ZNF558: variants seen among roughly 807,000 people sequenced by gnomAD.
The protein encoded by ZNF558 is zinc finger protein 558.
In ZNF558, 23 loss-of-function variants were observed where a neutral mutation model predicts 37.6. The ratio of observed to expected loss-of-function variants is 0.61; its 90% CI spans 0.44 to 0.87. ZNF558 has a LOEUF of 0.87. Ranked by LOEUF, ZNF558 falls within the 40% of genes least tolerant of loss-of-function variation. The pLI, the probability that ZNF558 is intolerant of heterozygous loss-of-function variation, is 0.00. For missense variants in ZNF558, 429 were observed against 483.7 expected (o/e 0.89, Z 1.06); for synonymous variants, 189 against 174.4 (o/e 1.08, Z -0.66).
Position 8,811,263 on chromosome 19 carries a change from A to C in ZNF558, c.*18T>G, listed in dbSNP as rs782513375. ...GAAAGATCAATGAGTGCTTTCCTCC[A>C]GAAGTTCCTGCAGTAATTCATATCC... On this transcript the variant is annotated 3_prime_UTR_variant, in exon 10 of 10. Coordinates refer to ENST00000601372, the MANE Select transcript of ZNF558 (RefSeq NM_144693.3). The C allele has an allele frequency of 1.3e-6, 2 of 1,537,910 alleles. No homozygotes were observed. Among genetic ancestry groups the C allele is most frequent in the Non-Finnish European group, 1.7e-6 (2 of 1,145,212 alleles).
rs2145188199 is a variant in ZNF558, at chr19:8,812,549, T to C, written c.426+12A>G. 2 of 1,538,132 alleles carry C rather than the reference T, an allele frequency of 1.3e-6. No individual in the cohort carries two copies. The highest frequency in any genetic ancestry group is 8.7e-7 in the Non-Finnish European group (1 of 1,146,920). ...ACTGTAGAAAACCAGAAATCACCCA[T>C]GTTAGTCTTACCGTTTTTACACCTT... On this transcript the variant is annotated intron_variant, in intron 9 of 9. Transcript: ENST00000601372.
At chr19:8,828,918 G>A (rs1263570345) in intron 2 of ZNF558, among the ~76,000 whole-genome samples, 1 of 150,088 alleles carries the variant, frequency 6.7e-6, no homozygotes, top group Non-Finnish European at 1.5e-5. Context: ...AGCTGAGATC[G>A]TGCCATTGCA....
At chr19:8,826,815 T>C (rs989023509) in intron 2 of ZNF558, among the ~76,000 whole-genome samples, 2 of 152,326 alleles carry the variant, frequency 1.3e-5, no homozygotes, top group South Asian at 4.1e-4. Context: ...TAGTTTGTTA[T>C]AGCATCAATA....
At chr19:8,837,987 G>A in the ZNF558 span, among the ~76,000 whole-genome samples, 6 of 151,728 alleles carry the variant, frequency 4.0e-5, no homozygotes, top group East Asian at 9.7e-4. Context: ...GGTGGCTCAC[G>A]CCTGTAATCC....
rs953237172 is a variant in ZNF558, at chr19:8,812,054, G to A, written c.436C>T (p.His146Tyr). 1.9e-6 allele frequency: 3 copies of A among 1,583,294 alleles called. No homozygotes were observed. In the African/African-American group the frequency reaches 4.1e-5, roughly 21 times the overall value. Reference protein sequence around the residue: ...QSKGVKTERSHRGVKLNECNQ... With the variant: ...QSKGVKTERSYRGVKLNECNQ... ...CATTCATTGAGTTTCACTCCACGAT[G>A]ACTTCTTTCCTGTGGATTAAGAGAT... Residue 146 changes from histidine (H) to tyrosine (Y), a missense_variant, in exon 10 of 10, where the codon CAT becomes TAT. Coordinates refer to ENST00000601372, the MANE Select transcript of ZNF558 (RefSeq NM_144693.3).
In ZNF558 at chr19:8,812,051, G is replaced by T; in HGVS notation, c.439C>A (p.Arg147Ser). The T allele has an allele frequency of 6.3e-7, 1 of 1,585,294 alleles. No homozygotes were observed. The change falls in exon 10 of 10, where the codon CGT becomes AGT. Residue 147 changes from arginine to serine, a missense_variant. By Grantham distance (110) the Arg-to-Ser change is moderately radical. Coordinates refer to ENST00000601372, the MANE Select transcript of ZNF558 (RefSeq NM_144693.3). ...TTACATTCATTGAGTTTCACTCCAC[G>T]ATGACTTCTTTCCTGTGGATTAAGA... ...SKGVKTERSH[R>S]GVKLNECNQC...
intron 6 of ZNF558, chr19:8,821,589 CT>C: frequency 7.3e-7 from 1 of 1,364,294 alleles, no homozygotes; most frequent in Non-Finnish European, 9.4e-7. Flanking sequence ...GAGCAGCTGC[CT>C]TTTCTCACTC....
chr19:8,830,882 G>T (rs1209516709), intron 2 of ZNF558: 1 of 151,546 alleles, frequency 6.6e-6, no homozygotes, highest in Non-Finnish European at 1.5e-5. Context: ...CCAACAGAGT[G>T]AGACTTGGTC....
At chr19:8,823,486 C>A (rs1319697428) in intron 4 of ZNF558, among the ~76,000 whole-genome samples, 2 of 118,458 alleles carry the variant, frequency 1.7e-5, no homozygotes, top group African/African-American at 6.4e-5. Context: ...TCACCCCCCT[C>A]CTGCCTGTGC....
chr19:8,836,277 T>G (rs2145343054), upstream of ZNF558, among the ~76,000 whole-genome samples: 1 of 152,238 alleles, frequency 6.6e-6, no homozygotes, highest in East Asian at 1.9e-4. Context: ...GAGTGCTTCT[T>G]CCTCAAAATA....
chr19:8,806,729 G>A lies in ZNF558; in HGVS notation c.*4552C>T, dbSNP rs2043707333. ...AAAAAAAAAAATATTCCCTCCCATTGGAAAACATTGTTGCCTTCAGTTTTG... is the reference window on the plus strand; with the variant it reads ...AAAAAAAAAAATATTCCCTCCCATTAGAAAACATTGTTGCCTTCAGTTTTG... On this transcript the variant is annotated 3_prime_UTR_variant, in exon 10 of 10. Transcript: ENST00000601372. 6.6e-6 allele frequency: 1 copy of A among 150,578 alleles called. No homozygotes were observed. Among genetic ancestry groups the A allele is most frequent in the South Asian group, 2.1e-4 (1 of 4,748 alleles). The allele number at this position is 150,578 out of a possible 1,614,324, so 9.3% of individuals were successfully genotyped here.
intron 2 of ZNF558, among the ~76,000 whole-genome samples, chr19:8,830,045 T>TG (rs1425684137): frequency 6.6e-6 from 1 of 152,150 alleles, no homozygotes; most frequent in Non-Finnish European, 1.5e-5. Context: ...AGGAGGGTCC[T>TG]GGTAGGAGGT....
intron 7 of ZNF558, among the ~76,000 whole-genome samples, chr19:8,814,293 G>A (rs1362738073): frequency 6.6e-6 from 1 of 152,112 alleles, no homozygotes; most frequent in African/African-American, 2.4e-5. Context: ...TGACCTGTCT[G>A]GTGGTTCCCT....
intron 2 of ZNF558, among the ~76,000 whole-genome samples, chr19:8,830,147 C>T (rs1599297962): frequency 6.6e-6 from 1 of 152,108 alleles, no homozygotes; most frequent in East Asian, 1.9e-4. Context: ...GCGTTTATGT[C>T]TTCTCTCTCT....
intron 1 of ZNF558, among the ~76,000 whole-genome samples, chr19:8,831,906 G>A (rs2044366684): frequency 6.6e-6 from 1 of 152,180 alleles, no homozygotes; most frequent in African/African-American, 2.4e-5. Flanking sequence ...CCCTCTAGGT[G>A]ACAGTAGCAG....
rs1293113519 is a variant in ZNF558 at position 8,809,858 on chromosome 19, T to C, written c.*1423A>G. Reference sequence around the variant, plus strand: ...GATATCCCACACTCAAAACAGTGATTATACTTTTTGTTCCCAGTGAAAATT... The same window carrying C: ...GATATCCCACACTCAAAACAGTGATCATACTTTTTGTTCCCAGTGAAAATT... On this transcript the variant is annotated 3_prime_UTR_variant, in exon 10 of 10. Coordinates refer to ENST00000601372, the MANE Select transcript of ZNF558 (RefSeq NM_144693.3). The C allele has an allele frequency of 6.6e-6, 1 of 152,212 alleles. No individual in the cohort carries two copies. Among genetic ancestry groups the C allele is most frequent in the African/African-American group, 2.4e-5 (1 of 41,460 alleles). The allele number at this position is 152,212 out of a possible 1,614,324, so 9.4% of individuals were successfully genotyped here.
rs1242807047 is a variant in ZNF558, at chr19:8,808,194, GC to G, written c.*3086del. ...GTGGTGGCAGGTGCCTGTAATCCCA[GC>G]TACTCAGGAGGCTGAGGCAGGAGAA... On this transcript the variant is annotated 3_prime_UTR_variant, in exon 10 of 10. Coordinates refer to ENST00000601372, the MANE Select transcript of ZNF558 (RefSeq NM_144693.3). The G allele has an allele frequency of 6.6e-6, 1 of 152,146 alleles. No homozygotes were observed. The highest frequency in any genetic ancestry group is 2.4e-5 in the African/African-American group (1 of 41,412). 9.4% of individuals were successfully genotyped at this position (152,146 alleles called of 1,614,324 possible).
intron 9 of ZNF558, 90 bp from the exon 10 acceptor site, chr19:8,812,153 T>C (rs1282774213): frequency 5.0e-6 from 6 of 1,193,852 alleles, no homozygotes; most frequent in Non-Finnish European, 6.7e-6. Context: ...AGGAATTCTG[T>C]TACATTATTA....
At chr19:8,820,981 A>T (rs1363215915) in intron 7 of ZNF558, among the ~76,000 whole-genome samples, 199 bp downstream of exon 7, 1 of 152,128 alleles carries the variant, frequency 6.6e-6, no homozygotes, top group Non-Finnish European at 1.5e-5. Flanking sequence ...GGGTGATGAA[A>T]ATATGGTGAT....
Sources: allele counts gnomAD v4.1 joint callset (sites outside exome capture counted in the v4.1 genomes callset), GRCh38; gene constraint gnomAD v4.1.1; transcripts MANE v1.5; gene names NCBI Gene and HGNC (gene_info 2026-07-23, HGNC 2026-07-21).